Variants in ZMIZ1 observed in about 807,000 individuals in gnomAD.
The protein encoded by ZMIZ1 is zinc finger MIZ-type containing 1, also known as zinc finger MIZ domain-containing protein 1.
ZMIZ1 carries 17 observed loss-of-function variants against 113.9 expected under a neutral mutation model. The observed-to-expected ratio is 0.15, with a 90% confidence interval of 0.10 to 0.22. ZMIZ1 has a LOEUF of 0.22. ZMIZ1 is among the 10% of genes least tolerant of loss of function. The probability of loss-of-function intolerance (pLI) is 1.00; values close to 1 mark genes in which losing one functional copy is unlikely to be tolerated. For missense variants in ZMIZ1, 1,059 were observed against 1,477.8 expected, an observed-to-expected ratio of 0.72 and a Z score of 4.65; for synonymous variants, 607 against 603.1, an observed-to-expected ratio of 1.01 and a Z score of -0.09.
At chr10:79,219,562 T>C (rs550810274) in intron 7 of ZMIZ1, among the ~76,000 whole-genome samples, 1 of 152,280 alleles carries the variant, frequency 6.6e-6, no homozygotes, top group East Asian at 1.9e-4. Flanking sequence ...TTCATGCTGC[T>C]CAGGGGTCTC....
Position 79,296,873 on chromosome 10 carries a change from G to T in ZMIZ1, c.1413+220G>T, listed in dbSNP as rs1365522035. On this transcript the variant is annotated intron_variant, in intron 13 of 24. Coordinates refer to ENST00000334512, the MANE Select transcript of ZMIZ1 (RefSeq NM_020338.4). The surrounding 1 kb of genome is among the most constrained non-coding windows in gnomAD (Gnocchi z 4.1). ...CTATTCTCATTCGTCTCGGATGATG[G>T]TTTTTTTTTCTCCTTTTCTTATTCA... 2.8e-5 allele frequency: 11 copies of T among 398,744 alleles called. No homozygotes were observed. The highest frequency in any genetic ancestry group is 4.0e-5 in the Non-Finnish European group (9 of 226,012). The allele number at this position is 398,744 out of a possible 1,614,324, so 24.7% of individuals were successfully genotyped here.
chr10:79,237,686 T>C, intron 7 of ZMIZ1, among the ~76,000 whole-genome samples: 1 of 152,248 alleles, frequency 6.6e-6, no homozygotes, highest in East Asian at 1.9e-4. Context: ...GACCTCATCT[T>C]AACGTGGTCA....
chr10:79,115,578 A>G (rs1158608941), intron 1 of ZMIZ1, among the ~76,000 whole-genome samples: 2 of 152,224 alleles, frequency 1.3e-5, no homozygotes, highest in Admixed American at 6.5e-5. Context: ...CAGGGATTCC[A>G]TTCCTCCCAC....
intron 7 of ZMIZ1, among the ~76,000 whole-genome samples, chr10:79,248,496 G>C (rs1260795844): frequency 6.6e-6 from 1 of 152,206 alleles, no homozygotes; most frequent in Non-Finnish European, 1.5e-5. Flanking sequence ...GCTTCTAGGA[G>C]CAGGGCTGCT....
intron 1 of ZMIZ1, among the ~76,000 whole-genome samples, chr10:79,088,064 C>A (rs1001220645): frequency 6.6e-6 from 1 of 152,216 alleles, no homozygotes; most frequent in Non-Finnish European, 1.5e-5. Context: ...CAGAGCTGGT[C>A]GGCTTTGTGA....
chr10:79,182,747 G>A (rs1847173662), intron 4 of ZMIZ1, among the ~76,000 whole-genome samples: 1 of 152,222 alleles, frequency 6.6e-6, no homozygotes, highest in South Asian at 2.1e-4. Context: ...CCTGCCTTCC[G>A]AGGCCGAGCC....
chr10:79,193,561 G>GT (rs1212970749), intron 4 of ZMIZ1, among the ~76,000 whole-genome samples: 31 of 152,216 alleles, frequency 2.0e-4, no homozygotes, highest in Admixed American at 2.0e-3. Context: ...TACCTGCTGA[G>GT]TACGGAGCCC....
chr10:79,166,125 A>T (rs892288432), intron 4 of ZMIZ1, among the ~76,000 whole-genome samples: 33 of 151,786 alleles, frequency 2.2e-4, no homozygotes, highest in Admixed American at 5.9e-4. Context: ...GTCTTCTTAC[A>T]TCCCAGAGGC....
chr10:79,290,807 C>T (rs976620836), intron 9 of ZMIZ1, 152 bp from the exon 10 acceptor site: 2 of 878,568 alleles, frequency 2.3e-6, no homozygotes, highest in East Asian at 5.3e-5. Flanking sequence ...CCGGTACACT[C>T]AGAATAGTTC....
At chr10:79,139,267 C>T (rs1031470053) in intron 2 of ZMIZ1, among the ~76,000 whole-genome samples, 5 of 152,094 alleles carry the variant, frequency 3.3e-5, no homozygotes, top group Admixed American at 6.6e-5. Flanking sequence ...GATAATTCCC[C>T]GAAGCCAGGC....
chr10:79,306,384 A>C, intron 22 of ZMIZ1, 40 bp downstream of exon 22: 1 of 1,597,736 alleles, frequency 6.3e-7, no homozygotes, highest in Non-Finnish European at 8.5e-7. Context: ...GAAGGAGGGC[A>C]GCCCCAAGTC....
At chr10:79,078,044 C>G (rs1049285559) in intron 1 of ZMIZ1, among the ~76,000 whole-genome samples, 1 of 152,314 alleles carries the variant, frequency 6.6e-6, no homozygotes, top group South Asian at 2.1e-4. Context: ...AAGGGCTGGC[C>G]CATCATCTCT....
chr10:79,134,448 A>G (rs1473110976), intron 2 of ZMIZ1, among the ~76,000 whole-genome samples: 2 of 152,242 alleles, frequency 1.3e-5, no homozygotes, highest in Admixed American at 1.3e-4. Context: ...CTGGAGAACT[A>G]TGAGGACCAG....
chr10:79,243,328 C>T (rs1849971288), intron 7 of ZMIZ1, among the ~76,000 whole-genome samples: 1 of 149,992 alleles, frequency 6.7e-6, no homozygotes, highest in South Asian at 2.1e-4. Context: ...TGCGCCCGGG[C>T]GCGCGGCTGG....
rs1855121906 is a variant in ZMIZ1, at chr10:79,311,068, C to T, written c.2980C>T (p.Pro994Ser). ...TCCTTCCCAGCCTCCCCGGCAGCCG[C>T]CACAGGCCGCTCCCAGCAGCCATCC... ...PPPSQPPRQPPQAAPSSHPHS... is the reference protein window; with the variant it reads ...PPPSQPPRQPSQAAPSSHPHS... Residue 994 changes from proline (P) to serine (S), a missense_variant, in exon 24 of 25, where the codon CCA becomes TCA. Pro to Ser is a moderately conservative substitution (Grantham distance 74). Around this residue, in one of 6 missense-constraint regions of ZMIZ1, gnomAD observed 225 missense variants for 276.0 expected, o/e 0.82. Transcript: ENST00000334512. The T allele has an allele frequency of 6.2e-7, 1 of 1,613,662 alleles. No individual in the cohort carries two copies. The highest frequency in any genetic ancestry group is 8.5e-7 in the Non-Finnish European group (1 of 1,180,026).
chr10:79,212,688 G>A (rs1275980233), intron 6 of ZMIZ1, among the ~76,000 whole-genome samples: 3 of 152,040 alleles, frequency 2.0e-5, no homozygotes, highest in East Asian at 1.9e-4. Context: ...CTCAGGAGGC[G>A]GAGGTTGCAC....
intron 23 of ZMIZ1, among the ~76,000 whole-genome samples, chr10:79,309,810 C>T (rs1157782575): frequency 6.6e-6 from 1 of 152,150 alleles, no homozygotes; most frequent in African/African-American, 2.4e-5. Flanking sequence ...ATGAAAAGAC[C>T]AAGGAAGCAT....
At position 79,305,150 on chromosome 10, in the gene ZMIZ1, C is replaced by G. The variant is rs1163988162; in HGVS notation, c.2287-14C>G. 1.9e-6 allele frequency: 3 copies of G among 1,614,042 alleles called. No individual in the cohort carries two copies. In the African/African-American group the frequency reaches 4.0e-5, roughly 22 times the overall value. Reference sequence around the variant, plus strand: ...CAGTCCTGGTCTCACCTGTGTCTGTCTGTCTGTCTGCAGTGCTTTGATCTG... The same window carrying G: ...CAGTCCTGGTCTCACCTGTGTCTGTGTGTCTGTCTGCAGTGCTTTGATCTG... On this transcript the variant is annotated splice_polypyrimidine_tract_variant and intron_variant, in intron 19 of 24. Transcript: ENST00000334512.
chr10:79,093,298 T>C (rs1246976012), intron 1 of ZMIZ1, among the ~76,000 whole-genome samples: 2 of 40,920 alleles, frequency 4.9e-5, no homozygotes, highest in African/African-American at 1.6e-4. Flanking sequence ...ATTTTATTTA[T>C]TTATTTATTT....
Sources: gnomAD v4.1 joint callset for allele counts (sites outside exome capture counted in the v4.1 genomes callset) on GRCh38, gnomAD v4.1.1 for gene constraint, gnomAD v4.1.1 regional missense constraint, Gnocchi (gnomAD v3.1) non-coding constraint, MANE v1.5 for transcripts, NCBI Gene and HGNC (gene_info 2026-07-23, HGNC 2026-07-21) for gene names.